Variants in POLR3A observed in about 807,000 individuals in gnomAD.
POLR3A encodes the protein DNA-directed RNA polymerase III subunit RPC1.
A neutral mutation model predicts 152.8 loss-of-function variants in POLR3A; 112 were observed. The observed-to-expected ratio is 0.73, with a 90% CI of 0.63 to 0.86. POLR3A has a LOEUF of 0.86. Ranked by LOEUF, POLR3A falls within the 40% of genes least tolerant of loss-of-function variation. The pLI, the probability that POLR3A is intolerant of heterozygous loss-of-function variation, is 0.00. For synonymous variants in POLR3A, 615 were observed against 652.1 expected (o/e 0.94, Z 0.87); for missense variants, 1,385 against 1,743.1 (o/e 0.79, Z 3.66).
chr10:77,984,185 C>T lies in POLR3A; in HGVS notation c.3336+20G>A. ...ATTGCTGAGCTAGTTTTCTTGTTAT[C>T]AATAGGGATTTCTTCTTACCTCTCC... On this transcript the variant is annotated intron_variant, in intron 25 of 30. Coordinates refer to ENST00000372371, the MANE Select transcript of POLR3A (RefSeq NM_007055.4). 6.6e-7 allele frequency: 1 copy of T among 1,508,668 alleles called. No individual in the cohort carries two copies. The highest frequency in any genetic ancestry group is 9.2e-7 in the Non-Finnish European group (1 of 1,084,120). The allele number at this position is 1,508,668 out of a possible 1,614,324, so 93.5% of individuals were successfully genotyped here. A position where few individuals can be genotyped will look rare whatever the true frequency, so the allele number is the denominator to read the frequency against.
At chr10:77,994,953 A>G (rs1400041854) in intron 19 of POLR3A, among the ~76,000 whole-genome samples, 3 of 152,254 alleles carry the variant, frequency 2.0e-5, no homozygotes, top group African/African-American at 7.2e-5. Context: ...TCAGACTAAC[A>G]GCGGATCTCT....
Position 78,002,366 on chromosome 10 carries a change from A to G in POLR3A, c.2248-58T>C, listed in dbSNP as rs1038109848. ...GTCCTCATTGTCTCTGTGGATTACA[A>G]ATGTTCAATCTAACATTTAAAGAAA... On this transcript the variant is annotated intron_variant, in intron 16 of 30. Coordinates refer to ENST00000372371, the MANE Select transcript of POLR3A (RefSeq NM_007055.4). 5.6e-6 allele frequency: 6 copies of G among 1,079,830 alleles called. No homozygotes were observed. The South Asian group carries it at 8.1e-5, about 14-fold the overall frequency. The allele number at this position is 1,079,830 out of a possible 1,614,324, so 66.9% of individuals were successfully genotyped here.
chr10:77,995,055 C>T (rs1448810296), intron 19 of POLR3A, among the ~76,000 whole-genome samples: 1 of 152,296 alleles, frequency 6.6e-6, no homozygotes, highest in Admixed American at 6.5e-5. Context: ...CATATCCAGC[C>T]AAACTAAGCT....
rs1274575604 is a variant in POLR3A at position 78,029,372 on chromosome 10, G to C, written c.36C>G (p.Ala12=). 1 of 1,613,810 alleles carries C rather than the reference G, an allele frequency of 6.2e-7. No individual in the cohort carries two copies. The highest frequency in any genetic ancestry group is 8.5e-7 in the Non-Finnish European group (1 of 1,180,012). Residue 12 remains alanine, a synonymous_variant, in exon 1 of 31, where the codon GCC becomes GCG. Coordinates refer to ENST00000372371, the MANE Select transcript of POLR3A (RefSeq NM_007055.4). ...CTCTTACTCCGTCTTACATTTTCTT[G>C]GCCACATCCGTCTCCCGGAACTGCT... is the stretch of plus-strand genomic sequence containing the variant. ...VKEQFRETDV[A]KKISHICFGM...
At chr10:77,990,873 C>T (rs1847241047) in intron 21 of POLR3A, among the ~76,000 whole-genome samples, 181 bp downstream of exon 21, 1 of 152,158 alleles carries the variant, frequency 6.6e-6, no homozygotes, top group Admixed American at 6.5e-5. Context: ...CTCGGCCTCC[C>T]AAAGTGCTGG....
At chr10:77,995,564 A>C (rs1190431074) in intron 19 of POLR3A, among the ~76,000 whole-genome samples, 3 of 152,156 alleles carry the variant, frequency 2.0e-5, no homozygotes, top group Admixed American at 6.5e-5. Context: ...GAGACAAAGA[A>C]GGCCATTACA....
Position 78,022,231 on chromosome 10 carries a change from C to A in POLR3A, c.799G>T (p.Val267Leu). ...TTGGTGCCAGACTTCAAATCACTCA[C>A]AACGGAGGGTCTGATACACAAAGGA... ...VPPLCIRPSV[V>L]SDLKSGTNED... The change falls in exon 6 of 31, where the codon GTG becomes TTG. Residue 267 changes from valine to leucine, a missense_variant. By Grantham distance (32) the Val-to-Leu change is conservative. Transcript: ENST00000372371. 2 of 1,614,216 alleles carry A rather than the reference C, an allele frequency of 1.2e-6. No homozygotes were observed. The highest frequency in any genetic ancestry group is 1.7e-6 in the Non-Finnish European group (2 of 1,180,036).
intron 21 of POLR3A, among the ~76,000 whole-genome samples, chr10:77,989,484 T>G (rs1847227579): frequency 6.6e-6 from 1 of 152,212 alleles, no homozygotes; most frequent in Non-Finnish European, 1.5e-5. Flanking sequence ...TTAGTCATCC[T>G]TGCATCCCCA....
intron 18 of POLR3A, 116 bp downstream of exon 18, chr10:78,000,860 T>C (rs906749329): frequency 7.2e-6 from 5 of 692,588 alleles, no homozygotes; most frequent in East Asian, 2.8e-5. Context: ...AAAATACATA[T>C]ATAAAACTCC....
Position 78,029,471 on chromosome 10 carries a change from A to AGCTGGGG in POLR3A, c.-65_-64insCCCCAGC. 1.3e-6 allele frequency: 2 copies of AGCTGGGG among 1,546,070 alleles called. No homozygotes were observed. The highest frequency in any genetic ancestry group is 2.2e-5 in the South Asian group (2 of 89,634). On this transcript the variant is annotated 5_prime_UTR_variant, in exon 1 of 31. Transcript: ENST00000372371. ...GCCAGATTAGAGAAACGATGCCCCC[A>AGCTGGGG]GCACCTCCTGGGGCTGCTTCTGGAC...
At chr10:77,996,330 C>A (rs1002270849) in intron 19 of POLR3A, among the ~76,000 whole-genome samples, 5 of 151,934 alleles carry the variant, frequency 3.3e-5, no homozygotes, top group Non-Finnish European at 5.9e-5. Context: ...ACTGAAGGAA[C>A]TAGAGACACA....
rs147475356 is a variant in POLR3A at position 78,004,708 on chromosome 10, G to A, written c.2247+8C>T. On this transcript the variant is annotated splice_region_variant and intron_variant, in intron 16 of 30. Coordinates refer to ENST00000372371, the MANE Select transcript of POLR3A (RefSeq NM_007055.4). Reference sequence around the variant, plus strand: ...AGTGGCGACCCTGAACCAAAGGGCCGGGCTCACCTCCAGGGTCTCCTCAGC... The same window carrying A: ...AGTGGCGACCCTGAACCAAAGGGCCAGGCTCACCTCCAGGGTCTCCTCAGC... The A allele has an allele frequency of 7.1e-4, 1,147 of 1,610,774 alleles. 13 individuals are homozygous for A. In the African/African-American group the frequency reaches 0.013, roughly 18 times the overall value.
Position 77,985,946 on chromosome 10 carries a change from G to T in POLR3A, c.3028C>A (p.Gln1010Lys). 6.2e-7 allele frequency: 1 copy of T among 1,614,138 alleles called. No homozygotes were observed. The highest frequency in any genetic ancestry group is 8.5e-7 in the Non-Finnish European group (1 of 1,180,010). ...LYQLDRITPT[Q>K]VEKFLETCRD... ...CAGGTCTCCAGAAACTTTTCTACTT[G>T]GGTGGGGGTGATGCGGTCCAGCTGG... The change falls in exon 23 of 31, where the codon CAA becomes AAA. Residue 1010 changes from glutamine to lysine, a missense_variant. Gln to Lys is a moderately conservative substitution (Grantham distance 53, BLOSUM62 1). This residue lies in a region of POLR3A where 178 missense variants were observed against 204.6 expected (regional missense o/e 0.87). Coordinates refer to ENST00000372371, the MANE Select transcript of POLR3A (RefSeq NM_007055.4).
Position 77,977,486 on chromosome 10 carries a change from C to T in POLR3A, c.4165G>A (p.Val1389Ile), listed in dbSNP as rs775389437. The T allele has an allele frequency of 3.7e-6, 6 of 1,613,868 alleles. No individual in the cohort carries two copies. Among genetic ancestry groups the T allele is most frequent in the Non-Finnish European group, 5.1e-6 (6 of 1,179,962 alleles). The change falls in exon 31 of 31, where the codon GTC becomes ATC. Residue 1389 changes from valine to isoleucine, a missense_variant. Transcript: ENST00000372371. ...TCCCCTCTTTCTTTGGACTATGTGA[C>T]AAGGGGGATGTGGAATTCATTTGTG... ...FDTNEFHIPL[V>I]T
At position 77,984,673 on chromosome 10, in the gene POLR3A, AT is replaced by A. The variant is rs1225920557; in HGVS notation, c.3243-376del. 6.6e-5 allele frequency among the ~76,000 whole-genome samples: 10 copies of A among 152,330 alleles called. No individual in the cohort carries two copies. The East Asian group carries it at 1.9e-3, about 29-fold the overall frequency. ...CTTTCATTCAATGCTACGTATTATC[AT>A]TTTGTTAAATATAGGTCATAGGTAA... On this transcript the variant is annotated intron_variant, in intron 24 of 30. Transcript: ENST00000372371.
chr10:77,978,361 G>C (rs1847108661), intron 30 of POLR3A, among the ~76,000 whole-genome samples: 1 of 152,230 alleles, frequency 6.6e-6, no homozygotes, highest in African/African-American at 2.4e-5. Flanking sequence ...CATGCAATGA[G>C]GGCGAACACT....
rs1159420911 is a variant in POLR3A at position 78,010,401 on chromosome 10, G to T, written c.1642+70C>A. The stretch of plus-strand genomic sequence containing the variant: ...TAAATAGCTTTTCAAGTCATCACAT[G>T]AATCACTATGAACGAGGAACACTGT... On this transcript the variant is annotated intron_variant, in intron 12 of 30. Transcript: ENST00000372371. 6 of 1,167,016 alleles carry T rather than the reference G, an allele frequency of 5.1e-6. No individual in the cohort carries two copies. The East Asian group carries it at 1.2e-4, about 23-fold the overall frequency. 72.3% of individuals were successfully genotyped at this position (1,167,016 alleles called of 1,614,324 possible).
chr10:78,009,731 T>G, intron 13 of POLR3A, 56 bp from the exon 14 acceptor site: 1 of 1,613,746 alleles, frequency 6.2e-7, no homozygotes, highest in Non-Finnish European at 8.5e-7. Flanking sequence ...TCAATCCCCC[T>G]TCAGTAGACG....
chr10:78,028,939 C>A lies in POLR3A; in HGVS notation c.44+425G>T, dbSNP rs1001432126. 3.9e-5 allele frequency among the ~76,000 whole-genome samples: 6 copies of A among 152,124 alleles called. No individual in the cohort carries two copies. The South Asian group carries it at 1.0e-3, about 26-fold the overall frequency. ...TGTGGTACAGCTTTCTAGTGGGCAA[C>A]CCCATCCTTTTGGTAAGCAACTACT... On this transcript the variant is annotated intron_variant, in intron 1 of 30. Coordinates refer to ENST00000372371, the MANE Select transcript of POLR3A (RefSeq NM_007055.4).
Sources: allele counts gnomAD v4.1 joint callset (sites outside exome capture counted in the v4.1 genomes callset), GRCh38; gene constraint gnomAD v4.1.1; regional missense constraint gnomAD v4.1.1; transcripts MANE v1.5; gene names NCBI Gene and HGNC (gene_info 2026-07-23, HGNC 2026-07-21).